The following IGF2BP2 variants were observed in gnomAD, a reference collection of about 807,000 sequenced individuals.
IGF2BP2 encodes the protein insulin like growth factor 2 mRNA binding protein 2.
IGF2BP2 carries 17 observed loss-of-function variants against 75.8 expected under a neutral mutation model. The observed-to-expected ratio is 0.22, with a 90% CI of 0.15 to 0.34. IGF2BP2 has a LOEUF of 0.34. Among genes scored for constraint, IGF2BP2 ranks in the 10% least tolerant of loss-of-function variants. The probability of loss-of-function intolerance (pLI) is 1.00; values close to 1 mark genes in which losing one functional copy is unlikely to be tolerated. For synonymous variants in IGF2BP2, 288 were observed against 295.6 expected (o/e 0.97, Z 0.26); for missense variants, 516 against 772.4 (o/e 0.67, Z 3.93).
intron 10 of IGF2BP2, among the ~76,000 whole-genome samples, chr3:185,664,376 T>C (rs898241633): frequency 1.1e-4 from 16 of 152,240 alleles, no homozygotes; most frequent in Non-Finnish European, 1.6e-4. Context: ...ATTGTAATTA[T>C]GCTCTCTGTT....
At chr3:185,794,937 G>A (rs561006680) in intron 2 of IGF2BP2, among the ~76,000 whole-genome samples, 53 of 151,266 alleles carry the variant, frequency 3.5e-4, no homozygotes, top group African/African-American at 1.1e-3. Context: ...TCACTCTGTC[G>A]CCCAGGCTGG....
chr3:185,800,718 A>AAAAAAGAAAGAAAGAAAG (rs771868332), intron 2 of IGF2BP2, among the ~76,000 whole-genome samples: 3,273 of 143,246 alleles, frequency 0.023, 65 homozygotes, highest in African/African-American at 0.05. Context: ...GAGCCAAAAA[A>AAAAAAGAAAGAAAGAAAG]AAAGAAAGAA....
intron 2 of IGF2BP2, among the ~76,000 whole-genome samples, chr3:185,800,468 G>A (rs11928348): frequency 0.024 from 3,702 of 152,164 alleles, 148 homozygotes; most frequent in African/African-American, 0.084. Context: ...TGCTGATGTC[G>A]TGGCTCACAC....
chr3:185,792,334 G>A (rs781171446), intron 2 of IGF2BP2, among the ~76,000 whole-genome samples: 11 of 152,180 alleles, frequency 7.2e-5, no homozygotes, highest in Non-Finnish European at 1.5e-4. Flanking sequence ...GCTGGGCGGG[G>A]TGGCTCATGC....
At chr3:185,677,044 GATATATATAT>G (rs1164588813) in intron 7 of IGF2BP2, among the ~76,000 whole-genome samples, 1 of 23,868 alleles carries the variant, frequency 4.2e-5, no homozygotes, top group Non-Finnish European at 6.5e-5. Context: ...TATATATGGA[GATATATATAT>G]ATATATATAT....
chr3:185,779,969 T>C (rs892899154), intron 2 of IGF2BP2, among the ~76,000 whole-genome samples: 3 of 152,228 alleles, frequency 2.0e-5, no homozygotes, highest in African/African-American at 7.2e-5. Context: ...TATTGCAGCA[T>C]GTTTGGAATT....
intron 2 of IGF2BP2, among the ~76,000 whole-genome samples, chr3:185,761,532 T>C (rs999064777): frequency 6.6e-6 from 1 of 152,052 alleles, no homozygotes; most frequent in African/African-American, 2.4e-5. Context: ...TTTAAGACAT[T>C]TTACTGGGGG....
chr3:185,773,826 T>C (rs969289756), intron 2 of IGF2BP2, among the ~76,000 whole-genome samples: 7 of 152,338 alleles, frequency 4.6e-5, no homozygotes, highest in Middle Eastern at 3.4e-3. Context: ...ACTTGCAGTC[T>C]GAATACTCGT....
chr3:185,744,642 T>C (rs759733632), intron 2 of IGF2BP2, among the ~76,000 whole-genome samples: 1 of 152,146 alleles, frequency 6.6e-6, no homozygotes, highest in Non-Finnish European at 1.5e-5. Flanking sequence ...ACCCCATCTC[T>C]ACTAAAAAAT....
intron 2 of IGF2BP2, among the ~76,000 whole-genome samples, chr3:185,803,002 A>C (rs1351873423): frequency 6.6e-6 from 1 of 152,216 alleles, no homozygotes; most frequent in Non-Finnish European, 1.5e-5. Context: ...ACTAAAATGT[A>C]TCTCAATTTT....
rs527409601 is a variant in IGF2BP2, at chr3:185,674,107, T to C, written c.1071+1189A>G. On this transcript the variant is annotated intron_variant, in intron 9 of 15. Transcript: ENST00000382199. ...GGTGAGATGGGGACAGATTACTGCCTGGAGTATAGAGGGTACAACAGAAAG... is the reference window on the plus strand; with the variant it reads ...GGTGAGATGGGGACAGATTACTGCCCGGAGTATAGAGGGTACAACAGAAAG... Among the ~76,000 whole-genome samples, 6 of 152,342 alleles carry C rather than the reference T, an allele frequency of 3.9e-5. No individual in the cohort carries two copies. In the South Asian group the frequency reaches 6.2e-4, roughly 16 times the overall value.
At chr3:185,712,009 T>C (rs1183715630) in intron 2 of IGF2BP2, among the ~76,000 whole-genome samples, 1 of 152,218 alleles carries the variant, frequency 6.6e-6, no homozygotes, top group Non-Finnish European at 1.5e-5. Context: ...GGTGCCTGGT[T>C]TTCCCATGAA....
intron 7 of IGF2BP2, among the ~76,000 whole-genome samples, chr3:185,676,991 T>G (rs1485784844): frequency 5.2e-5 from 7 of 134,330 alleles, no homozygotes; most frequent in East Asian, 2.1e-4. Flanking sequence ...TATATGGAGA[T>G]ATATATATAT....
chr3:185,701,367 T>TG (rs1723275655), intron 2 of IGF2BP2, among the ~76,000 whole-genome samples: 1 of 117,142 alleles, frequency 8.5e-6, no homozygotes, highest in African/African-American at 3.2e-5. Flanking sequence ...ACCTGCTAAG[T>TG]AAAAAAAAAA....
At chr3:185,803,522 G>A (rs1047463712) in intron 2 of IGF2BP2, among the ~76,000 whole-genome samples, 11 of 152,130 alleles carry the variant, frequency 7.2e-5, no homozygotes, top group African/African-American at 2.7e-4. Flanking sequence ...AAAGAATACT[G>A]TATTGCCATG....
At chr3:185,764,756 AAATCGTGTT>A in intron 2 of IGF2BP2, among the ~76,000 whole-genome samples, 1 of 152,314 alleles carries the variant, frequency 6.6e-6, no homozygotes, top group Admixed American at 6.5e-5. Flanking sequence ...TGTGAGTAAG[AAATCGTGTT>A]GCCTCTGAGA....
At chr3:185,797,897 TAA>T (rs35850351) in intron 2 of IGF2BP2, among the ~76,000 whole-genome samples, 1,849 of 90,282 alleles carry the variant, frequency 0.02, 53 homozygotes, top group African/African-American at 0.082. Flanking sequence ...CCCTGTCTCT[TAA>T]AAAAAAAAAA....
intron 2 of IGF2BP2, among the ~76,000 whole-genome samples, chr3:185,702,725 C>T (rs748640367): frequency 6.6e-6 from 1 of 152,104 alleles, no homozygotes; most frequent in African/African-American, 2.4e-5. Context: ...CCTTCCTTGA[C>T]TCCCTGCTGC....
chr3:185,734,491 G>A (rs1728601023), intron 2 of IGF2BP2, among the ~76,000 whole-genome samples: 1 of 152,078 alleles, frequency 6.6e-6, no homozygotes, highest in Non-Finnish European at 1.5e-5. Flanking sequence ...TACTTCTTCT[G>A]AGCAAAGAAT....
Sources: gnomAD v4.1 joint callset for allele counts (sites outside exome capture counted in the v4.1 genomes callset) on GRCh38, gnomAD v4.1.1 for gene constraint, MANE v1.5 for transcripts, NCBI Gene and HGNC (gene_info 2026-07-23, HGNC 2026-07-21) for gene names.